The following ZDHHC11 variants were observed in gnomAD, a reference collection of about 807,000 sequenced individuals.
ZDHHC11 encodes the protein zDHHC palmitoyltransferase 11.
ZDHHC11 carries 44 observed loss-of-function variants against 51.3 expected under a neutral mutation model. The observed-to-expected ratio is 0.86, with a 90% CI of 0.67 to 1.10. ZDHHC11 has a LOEUF of 1.10. ZDHHC11 is among the 50% of genes least tolerant of loss of function. ZDHHC11 has a pLI of 0.00. For synonymous variants in ZDHHC11, 163 were observed against 222.0 expected (o/e 0.73, Z 2.36); for missense variants, 400 against 537.7 (o/e 0.74, Z 2.53).
rs56961185 is a variant in ZDHHC11 at position 808,984 on chromosome 5, TACACACACAC to T, written c.1181+5767_1181+5776del. On this transcript the variant is annotated intron_variant, in intron 11 of 12. Coordinates refer to ENST00000283441, the MANE Select transcript of ZDHHC11 (RefSeq NM_024786.3). ...CATGCTCCATCTTTTGACCATCAGTTACACACACACACACACACACACACACACACGCACA... is the reference window on the plus strand; with the variant it reads ...CATGCTCCATCTTTTGACCATCAGTTACACACACACACACACACACGCACA... Among the ~76,000 whole-genome samples the T allele has an allele frequency of 2.4e-3, 324 of 133,822 alleles. 3 individuals are homozygous for T. Among genetic ancestry groups the T allele is most frequent in the Non-Finnish European group, 4.1e-3 (250 of 61,698 alleles). The allele number at this position is 133,822 out of a possible 152,430, so 87.8% of individuals were successfully genotyped here.
intron 3 of ZDHHC11, among the ~76,000 whole-genome samples, chr5:844,758 G>A (rs1331207822): frequency 3.9e-5 from 6 of 152,310 alleles, no homozygotes; most frequent in Non-Finnish European, 2.9e-5. Flanking sequence ...TTCTCCAAGG[G>A]TCTCGTGCAA....
Position 850,526 on chromosome 5 carries a change from G to A in ZDHHC11, c.77C>T (p.Pro26Leu), listed in dbSNP as rs1221161721. The A allele has an allele frequency of 2.5e-6, 4 of 1,613,812 alleles. No individual in the cohort carries two copies. Among genetic ancestry groups the A allele is most frequent in the Admixed American group, 1.7e-5 (1 of 60,034 alleles). ...CCAGCCGTTCACTCTGGAGATGCGGGGCGGCAAGACCAGCTTTTCATTATT... is the reference window on the plus strand; with the variant it reads ...CCAGCCGTTCACTCTGGAGATGCGGAGCGGCAAGACCAGCTTTTCATTATT... ...ILNNEKLVLP[P>L]RISRVNGWSL... Residue 26 changes from proline (P) to leucine (L), a missense_variant, in exon 1 of 13, where the codon CCC (proline) becomes CTC (leucine). Pro to Leu is a moderately conservative substitution (Grantham distance 98, BLOSUM62 -3). Coordinates refer to ENST00000283441, the MANE Select transcript of ZDHHC11 (RefSeq NM_024786.3).
At chr5:813,134 C>T (rs1304285500) in intron 11 of ZDHHC11, among the ~76,000 whole-genome samples, 1 of 144,346 alleles carries the variant, frequency 6.9e-6, no homozygotes, top group East Asian at 2.0e-4. Context: ...CTCAGGAGTT[C>T]GAGACCAGTG....
At chr5:835,895 T>C (rs1476266522) in intron 6 of ZDHHC11, among the ~76,000 whole-genome samples, 8 of 151,500 alleles carry the variant, frequency 5.3e-5, no homozygotes, top group African/African-American at 1.2e-4. Flanking sequence ...TGCTGGTGGA[T>C]AGAGATGTGC....
intron 12 of ZDHHC11, among the ~76,000 whole-genome samples, chr5:799,932 C>A (rs1006862382): frequency 6.6e-6 from 1 of 151,384 alleles, no homozygotes; most frequent in Non-Finnish European, 1.5e-5. Context: ...ATTTTGACTC[C>A]TGCCTCATGA....
rs1561300773 is a variant in ZDHHC11 at position 847,446 on chromosome 5, C to G, written c.503+68G>C. 46 of 1,543,922 alleles carry G rather than the reference C, an allele frequency of 3.0e-5. 1 individual carries two copies. Among genetic ancestry groups the G allele is most frequent in the Non-Finnish European group, 3.8e-5 (43 of 1,135,814 alleles). ...CCCTTTCAACACGATGACCCCTGCC[C>G]ACAGACCCCTCCCTTCCAAATTCCC... is the stretch of plus-strand genomic sequence containing the variant. On this transcript the variant is annotated intron_variant, in intron 3 of 12. Coordinates refer to ENST00000283441, the MANE Select transcript of ZDHHC11 (RefSeq NM_024786.3).
At chr5:808,728 T>C (rs1207706637) in intron 11 of ZDHHC11, among the ~76,000 whole-genome samples, 3 of 145,098 alleles carry the variant, frequency 2.1e-5, no homozygotes, top group African/African-American at 7.6e-5. Context: ...GAGACAGTCT[T>C]GCTCTGTCGC....
At chr5:816,668 T>C in intron 10 of ZDHHC11, 1 of 619,180 alleles carries the variant, frequency 1.6e-6, no homozygotes, top group Non-Finnish European at 3.1e-6. Flanking sequence ...CTTTCCAGAG[T>C]CCAAGCCCGT....
Position 850,687 on chromosome 5 carries a change from G to C in ZDHHC11, c.-85C>G. 6.6e-7 allele frequency: 1 copy of C among 1,521,706 alleles called. No homozygotes were observed. The allele number at this position is 1,521,706 out of a possible 1,614,324, so 94.3% of individuals were successfully genotyped here. On this transcript the variant is annotated 5_prime_UTR_variant, in exon 1 of 13. Transcript: ENST00000283441. ...CACTGTCACAGAGACCAAGGGGACT[G>C]GGAATGCAGCCGCCAGGACCAGCAC...
At chr5:855,340 G>A (rs193111363), upstream of ZDHHC11, among the ~76,000 whole-genome samples, 87 of 138,256 alleles carry the variant, frequency 6.3e-4, no homozygotes, top group African/African-American at 1.8e-3. Flanking sequence ...AGAGGACAGC[G>A]AGTCAGGGGG....
At chr5:840,394 G>A (rs538642912) in intron 5 of ZDHHC11, 101 bp downstream of exon 5, 4,890 of 1,508,390 alleles carry the variant, frequency 3.2e-3, no homozygotes, top group Non-Finnish European at 4.0e-3. Context: ...CCCCAGGCGT[G>A]GGGGGCTCAG....
At chr5:797,482 TTC>T (rs1375688008) in intron 12 of ZDHHC11, among the ~76,000 whole-genome samples, 3 of 151,558 alleles carry the variant, frequency 2.0e-5, no homozygotes, top group Non-Finnish European at 4.4e-5. Flanking sequence ...CATTTTGCGT[TTC>T]TGTCACTTTG....
At chr5:802,872 A>AAAAAAAAAAC (rs1561228390) in intron 11 of ZDHHC11, among the ~76,000 whole-genome samples, 2 of 110,646 alleles carry the variant, frequency 1.8e-5, no homozygotes, top group African/African-American at 6.9e-5. Context: ...AAAAAAAAAA[A>AAAAAAAAAAC]AAGCTAAATG....
At chr5:816,340 G>A (rs1355475264) in intron 10 of ZDHHC11, 59 of 354,346 alleles carry the variant, frequency 1.7e-4, no homozygotes, top group South Asian at 1.1e-3. Flanking sequence ...ACTCAGAGGC[G>A]GACAGATGGC....
chr5:819,992 G>C (rs975083903), intron 9 of ZDHHC11, among the ~76,000 whole-genome samples: 1 of 151,410 alleles, frequency 6.6e-6, no homozygotes, highest in East Asian at 1.9e-4. Flanking sequence ...TGTCACAGGG[G>C]TGTCAGGTGG....
chr5:859,123 T>C (rs1748656646), upstream of ZDHHC11, among the ~76,000 whole-genome samples: 1 of 151,952 alleles, frequency 6.6e-6, no homozygotes, highest in Admixed American at 6.6e-5. Context: ...AAATAATGCA[T>C]GCAGTGGTCC....
chr5:856,003 C>T (rs773750154), intron 1 of ZDHHC11, among the ~76,000 whole-genome samples: 1 of 151,138 alleles, frequency 6.6e-6, no homozygotes, highest in Non-Finnish European at 1.5e-5. Flanking sequence ...AAGCAAGGGG[C>T]ATGGACCCCA....
intron 1 of ZDHHC11, chr5:849,801 C>T (rs73016814): frequency 0.019 from 2,851 of 152,772 alleles, 88 homozygotes; most frequent in African/African-American, 0.065. Flanking sequence ...TGGCTCCCTC[C>T]TCCTCTCACC....
At chr5:853,320 G>A (rs147544496), upstream of ZDHHC11, among the ~76,000 whole-genome samples, 10 of 143,510 alleles carry the variant, frequency 7.0e-5, no homozygotes, top group African/African-American at 1.1e-4. Context: ...ACAGCGAGTC[G>A]GGCACAGACC....
Sources: gnomAD v4.1 joint callset for allele counts (sites outside exome capture counted in the v4.1 genomes callset) on GRCh38, gnomAD v4.1.1 for gene constraint, MANE v1.5 for transcripts, NCBI Gene and HGNC (gene_info 2026-07-23, HGNC 2026-07-21) for gene names.